The following ZNF536 variants were observed in gnomAD, a reference collection of about 807,000 sequenced individuals.
ZNF536 encodes the protein zinc finger protein 536.
In ZNF536, 13 loss-of-function variants were observed where a neutral mutation model predicts 84.5. That is an observed-to-expected ratio of 0.15 (90% CI 0.10 to 0.24). ZNF536 has a LOEUF of 0.24. Ranked by LOEUF, ZNF536 falls within the 10% of genes least tolerant of loss-of-function variation. The probability of loss-of-function intolerance (pLI) is 1.00; values close to 1 mark genes in which losing one functional copy is unlikely to be tolerated. For synonymous variants in ZNF536, 811 were observed against 742.5 expected (o/e 1.09, Z -1.50); for missense variants, 1,536 against 1,747.5 (o/e 0.88, Z 2.16).
chr19:30,608,941 G>A (rs753154599), intron 1 of ZNF536, among the ~76,000 whole-genome samples: 4 of 152,138 alleles, frequency 2.6e-5, no homozygotes, highest in Non-Finnish European at 5.9e-5. Context: ...CTCTCATCTC[G>A]AAGCCAGGAG....
At chr19:30,595,933 G>A (rs2047447809) in intron 1 of ZNF536, among the ~76,000 whole-genome samples, 1 of 152,152 alleles carries the variant, frequency 6.6e-6, no homozygotes, top group African/African-American at 2.4e-5. Context: ...GGGGTGCAGT[G>A]GGGAGCAGGG....
chr19:30,401,060 TTTGTTG>T (rs892571505), intron 1 of ZNF536, among the ~76,000 whole-genome samples: 2 of 152,210 alleles, frequency 1.3e-5, no homozygotes, highest in African/African-American at 4.8e-5. Flanking sequence ...AGGTTCTCTT[TTTGTTG>T]TTGTTGTTGT....
At chr19:30,287,569 TATGG>T (rs1255229687) in intron 2 of ZNF536, among the ~76,000 whole-genome samples, 11 of 79,968 alleles carry the variant, frequency 1.4e-4, no homozygotes, top group Admixed American at 7.5e-4. Context: ...TGAATGGGTA[TATGG>T]ATGGATGGAT....
At chr19:30,503,033 G>A (rs1363809585) in intron 2 of ZNF536, among the ~76,000 whole-genome samples, 1 of 152,106 alleles carries the variant, frequency 6.6e-6, no homozygotes, top group Non-Finnish European at 1.5e-5. Flanking sequence ...AGGTTGACAG[G>A]TTTTACCTTT....
At chr19:30,226,047 G>T (rs2022592752), upstream of ZNF536, among the ~76,000 whole-genome samples, 1 of 151,858 alleles carries the variant, frequency 6.6e-6, no homozygotes, top group African/African-American at 2.4e-5. The surrounding 1 kb of genome is among the most constrained non-coding windows in gnomAD (Gnocchi z 4.6). Flanking sequence ...CTGGGCCGCC[G>T]CCTCCCCGCC....
chr19:30,289,170 C>T (rs139421336), intron 2 of ZNF536, among the ~76,000 whole-genome samples: 468 of 152,230 alleles, frequency 3.1e-3, no homozygotes, highest in South Asian at 0.023. Context: ...TGGGGACAGC[C>T]AGCCCTTAAA....
chr19:30,364,967 C>T (rs545390258), intron 3 of ZNF536, among the ~76,000 whole-genome samples: 2 of 152,354 alleles, frequency 1.3e-5, no homozygotes, highest in East Asian at 1.9e-4. Context: ...GTTTGTTCAA[C>T]TCTGCGCTTT....
intron 1 of ZNF536, among the ~76,000 whole-genome samples, chr19:30,671,048 G>A (rs2050532114): frequency 6.6e-6 from 1 of 151,528 alleles, no homozygotes; most frequent in Non-Finnish European, 1.5e-5. Flanking sequence ...TCATTTTCCC[G>A]TTCACTCAAT....
At chr19:30,413,696 G>A (rs2050590912) in intron 1 of ZNF536, among the ~76,000 whole-genome samples, 1 of 152,090 alleles carries the variant, frequency 6.6e-6, no homozygotes, top group Admixed American at 6.5e-5. Context: ...ACCCGCTTTT[G>A]CATTATGTAT....
intron 1 of ZNF536, among the ~76,000 whole-genome samples, chr19:30,675,764 G>A (rs188490596): frequency 6.6e-6 from 1 of 152,324 alleles, no homozygotes; most frequent in Admixed American, 6.5e-5. Flanking sequence ...CTTCAGAGGA[G>A]ACAAAAAGAT....
chr19:30,268,582 G>A (rs1718477649), intron 1 of ZNF536, among the ~76,000 whole-genome samples: 1 of 152,116 alleles, frequency 6.6e-6, no homozygotes, highest in South Asian at 2.1e-4. Flanking sequence ...TGAACAAATG[G>A]ACGATCTATA....
intron 1 of ZNF536, among the ~76,000 whole-genome samples, chr19:30,274,076 T>C (rs959152662): frequency 5.3e-5 from 8 of 152,224 alleles, no homozygotes; most frequent in African/African-American, 1.9e-4. Flanking sequence ...AAAAAGTAAA[T>C]GAGATTAAAC....
At chr19:30,375,587 C>T (rs1294095619) in intron 1 of ZNF536, among the ~76,000 whole-genome samples, 1 of 152,206 alleles carries the variant, frequency 6.6e-6, no homozygotes, top group Non-Finnish European at 1.5e-5. Flanking sequence ...GGTCCCGGGA[C>T]TTGGGGTGTG....
intron 1 of ZNF536, among the ~76,000 whole-genome samples, chr19:30,580,825 C>T (rs2046895205): frequency 6.6e-6 from 1 of 152,182 alleles, no homozygotes; most frequent in Non-Finnish European, 1.5e-5. Context: ...CTGCTTGGAA[C>T]TCTCCCTGCT....
intron 2 of ZNF536, among the ~76,000 whole-genome samples, chr19:30,486,851 A>G (rs1314919078): frequency 2.0e-5 from 3 of 152,220 alleles, no homozygotes; most frequent in Non-Finnish European, 2.9e-5. Flanking sequence ...GTACTCCACA[A>G]ACATTTCCTT....
chr19:30,576,711 C>T (rs1262282892), intron 1 of ZNF536, among the ~76,000 whole-genome samples: 1 of 152,218 alleles, frequency 6.6e-6, no homozygotes, highest in African/African-American at 2.4e-5. Flanking sequence ...TGGGTGCTCA[C>T]AGTGAGGCTT....
downstream of ZNF536, among the ~76,000 whole-genome samples, chr19:30,562,758 C>T (rs371921512): frequency 6.6e-6 from 1 of 152,062 alleles, no homozygotes; most frequent in African/African-American, 2.4e-5. Context: ...CGGGCTCAGG[C>T]TCTCATCTTG....
chr19:30,536,906 CT>C (rs1364254123), intron 3 of ZNF536, among the ~76,000 whole-genome samples: 3 of 152,240 alleles, frequency 2.0e-5, no homozygotes, highest in Non-Finnish European at 4.4e-5. Flanking sequence ...CCTTCAGAGT[CT>C]GGCTCTGATG....
At chr19:30,465,380 A>G (rs1356016141) in intron 2 of ZNF536, among the ~76,000 whole-genome samples, 2 of 151,960 alleles carry the variant, frequency 1.3e-5, no homozygotes, top group African/African-American at 4.8e-5. Context: ...TCTCTGTAGG[A>G]TTTGCATCTC....
Sources: allele counts gnomAD v4.1 joint callset (sites outside exome capture counted in the v4.1 genomes callset), GRCh38; gene constraint gnomAD v4.1.1; non-coding constraint Gnocchi (gnomAD v3.1); transcripts MANE v1.5; gene names NCBI Gene and HGNC (gene_info 2026-07-23, HGNC 2026-07-21).